Variants in TOM1L2 observed in about 807,000 individuals in gnomAD.
The protein encoded by TOM1L2 is target of myb1 like 2 membrane trafficking protein, also known as TOM1-like protein 2.
TOM1L2 carries 31 observed loss-of-function variants against 67.9 expected under a neutral mutation model. That is an observed-to-expected ratio of 0.46 (90% confidence interval 0.34 to 0.62). The LOEUF is 0.62. TOM1L2 is among the 20% of genes least tolerant of loss of function. The pLI is 0.01. For synonymous variants in TOM1L2, 256 were observed against 254.0 expected, an observed-to-expected ratio of 1.01 and a Z score of -0.07; for missense variants, 606 against 663.5, an observed-to-expected ratio of 0.91 and a Z score of 0.95.
chr17:17,953,001 C>T (rs1025874149), intron 1 of TOM1L2, among the ~76,000 whole-genome samples: 1 of 152,152 alleles, frequency 6.6e-6, no homozygotes, highest in African/African-American at 2.4e-5. Flanking sequence ...GCTTCTGGGA[C>T]GCCATGCCCA....
At chr17:17,884,917 C>T in intron 4 of TOM1L2, 149 bp from the exon 5 acceptor site, 1 of 1,032,214 alleles carries the variant, frequency 9.7e-7, no homozygotes. Context: ...TGTTCCTCTC[C>T]TTCCGCAACT....
In TOM1L2 at chr17:17,845,078, G is replaced by C. The variant is rs766406012; in HGVS notation, c.*2557C>G. The C allele has an allele frequency of 1.3e-5, 2 of 152,350 alleles. No homozygotes were observed. The highest frequency in any genetic ancestry group is 2.9e-5 in the Non-Finnish European group (2 of 68,078). The allele number at this position is 152,350 out of a possible 1,614,324, so 9.4% of individuals were successfully genotyped here. On this transcript the variant is annotated 3_prime_UTR_variant, in exon 15 of 15. Coordinates refer to ENST00000379504, the MANE Select transcript of TOM1L2 (RefSeq NM_001082968.2). ...CAGAGATCTCAGGACAGGCCATCTC[G>C]CCAGGGCTAAGTGGAACCCACTCTG...
intron 1 of TOM1L2, 103 bp downstream of exon 1, chr17:17,972,159 C>T (rs2042131525): frequency 2.1e-6 from 3 of 1,434,844 alleles, no homozygotes; most frequent in Non-Finnish European, 1.9e-6. Context: ...GGAGGCCCAG[C>T]CCGCTCGTGA....
At chr17:17,867,006 G>A (rs2036885009) in intron 8 of TOM1L2, 82 bp from the exon 9 acceptor site, 2 of 1,351,878 alleles carry the variant, frequency 1.5e-6, no homozygotes, top group East Asian at 4.6e-5. Context: ...GTCCTATGAA[G>A]AATCCCTGGG....
chr17:17,852,571 G>C, intron 12 of TOM1L2, among the ~76,000 whole-genome samples: 1 of 152,192 alleles, frequency 6.6e-6, no homozygotes. Context: ...GGGGAGTTAA[G>C]AATGTTGAAT....
intron 1 of TOM1L2, among the ~76,000 whole-genome samples, chr17:17,927,650 G>A (rs1023682658): frequency 6.6e-6 from 1 of 151,526 alleles, no homozygotes; most frequent in African/African-American, 2.4e-5. Flanking sequence ...ATGATAATAA[G>A]CTGTTGGCTA....
At chr17:17,893,607 T>C (rs1462152492) in intron 4 of TOM1L2, 54 bp downstream of exon 4, 31 of 1,535,542 alleles carry the variant, frequency 2.0e-5, no homozygotes, top group Admixed American at 1.3e-4. Flanking sequence ...GACTCATCAA[T>C]AAGAGACTTC....
chr17:17,945,858 T>C (rs2040926935), intron 1 of TOM1L2, among the ~76,000 whole-genome samples: 2 of 152,164 alleles, frequency 1.3e-5, no homozygotes, highest in Admixed American at 6.5e-5. Context: ...CTTTTTTCTT[T>C]TTTTATTTTT....
chr17:17,876,805 G>C (rs750109036), intron 7 of TOM1L2, among the ~76,000 whole-genome samples: 1 of 152,194 alleles, frequency 6.6e-6, no homozygotes, highest in African/African-American at 2.4e-5. Flanking sequence ...GCTGCTGCCC[G>C]AAGTCTAACC....
At chr17:17,866,146 G>A in intron 10 of TOM1L2, 150 bp downstream of exon 10, 1 of 923,994 alleles carries the variant, frequency 1.1e-6, no homozygotes, top group Non-Finnish European at 1.5e-6. Context: ...AAAGTAAGGT[G>A]GTACAACTGG....
chr17:17,951,229 C>T (rs1401600898), intron 1 of TOM1L2, among the ~76,000 whole-genome samples: 2 of 152,186 alleles, frequency 1.3e-5, no homozygotes, highest in Non-Finnish European at 2.9e-5. Flanking sequence ...GCAGTTCCCT[C>T]GCCCACCCAG....
At chr17:17,903,438 C>T (rs912260283) in intron 2 of TOM1L2, among the ~76,000 whole-genome samples, 1 of 151,844 alleles carries the variant, frequency 6.6e-6, no homozygotes, top group Non-Finnish European at 1.5e-5. Context: ...GGTGAAACTC[C>T]GTCTCTACTA....
At chr17:17,884,346 G>A (rs928491734) in intron 5 of TOM1L2, among the ~76,000 whole-genome samples, 3 of 152,158 alleles carry the variant, frequency 2.0e-5, no homozygotes, top group Non-Finnish European at 4.4e-5. Flanking sequence ...AAAAGCAGGT[G>A]CTAATGACCC....
At chr17:17,910,194 G>A (rs2039283235) in intron 1 of TOM1L2, among the ~76,000 whole-genome samples, 1 of 152,216 alleles carries the variant, frequency 6.6e-6, no homozygotes, top group African/African-American at 2.4e-5. Flanking sequence ...AGCCTCCTTT[G>A]ACGGGAAACC....
intron 1 of TOM1L2, among the ~76,000 whole-genome samples, chr17:17,938,172 T>C (rs1324747387): frequency 6.6e-6 from 1 of 152,226 alleles, no homozygotes; most frequent in East Asian, 1.9e-4. Flanking sequence ...GGCAGTTAGA[T>C]CCAATTAAGC....
chr17:17,968,842 A>G (rs932384272), intron 1 of TOM1L2, among the ~76,000 whole-genome samples: 18 of 151,970 alleles, frequency 1.2e-4, no homozygotes, highest in East Asian at 1.2e-3. Context: ...CCTAGGCCCA[A>G]TGATATTGTT....
chr17:17,869,705 G>C (rs1300680735), intron 7 of TOM1L2: 3 of 1,341,670 alleles, frequency 2.2e-6, no homozygotes, highest in Non-Finnish European at 2.9e-6. Context: ...ACATACTGTT[G>C]TATGTATACA....
At chr17:17,927,362 A>T (rs1251267594) in intron 1 of TOM1L2, among the ~76,000 whole-genome samples, 1 of 152,206 alleles carries the variant, frequency 6.6e-6, no homozygotes, top group Non-Finnish European at 1.5e-5. Context: ...AAACCACATG[A>T]GGCCAGCTGC....
chr17:17,939,505 A>G (rs957414562), intron 1 of TOM1L2, among the ~76,000 whole-genome samples: 2 of 152,254 alleles, frequency 1.3e-5, no homozygotes, highest in African/African-American at 2.4e-5. Flanking sequence ...TTTCTTTTAG[A>G]GATACATATT....
Sources: allele counts gnomAD v4.1 joint callset (sites outside exome capture counted in the v4.1 genomes callset), GRCh38; gene constraint gnomAD v4.1.1; transcripts MANE v1.5; gene names NCBI Gene and HGNC (gene_info 2026-07-23, HGNC 2026-07-21).